Variants in ACOXL observed in about 807,000 individuals in gnomAD.
ACOXL encodes the protein acyl-CoA oxidase like, also known as acyl-coenzyme A oxidase-like protein.
A neutral mutation model predicts 71.9 loss-of-function variants in ACOXL; 70 were observed. The observed-to-expected ratio is 0.97, with a 90% CI of 0.80 to 1.19. The LOEUF (loss-of-function observed/expected upper bound fraction) is 1.19, where lower values mean the gene tolerates loss of function less well. Among genes scored for constraint, ACOXL ranks in the 50% most tolerant of loss-of-function variants. The pLI, the probability that ACOXL is intolerant of heterozygous loss-of-function variation, is 0.00. For synonymous variants in ACOXL, 253 were observed against 281.6 expected (o/e 0.90, Z 1.02); for missense variants, 703 against 736.3 (o/e 0.95, Z 0.52).
At chr2:111,088,458 A>T (rs1308615602) in intron 16 of ACOXL, among the ~76,000 whole-genome samples, 2 of 152,224 alleles carry the variant, frequency 1.3e-5, no homozygotes, top group African/African-American at 2.4e-5. Flanking sequence ...GCCATGAAAA[A>T]AAATGAGATA....
At chr2:110,950,895 C>T (rs956725482) in intron 12 of ACOXL, among the ~76,000 whole-genome samples, 15 of 151,122 alleles carry the variant, frequency 9.9e-5, no homozygotes, top group African/African-American at 3.2e-4. Context: ...CTGGAGTCCC[C>T]GAATCTGTGC....
At chr2:110,840,059 A>G (rs1969232) in intron 9 of ACOXL, among the ~76,000 whole-genome samples, 98,612 of 151,850 alleles carry the variant, frequency 0.65, 32,700 homozygotes, top group South Asian at 0.79. Context: ...GCGCAATCTC[A>G]GCTCACTGCA....
chr2:110,879,469 A>G (rs1010853080), intron 10 of ACOXL, among the ~76,000 whole-genome samples: 2 of 152,340 alleles, frequency 1.3e-5, no homozygotes, highest in East Asian at 1.9e-4. Context: ...CTGAGAACAT[A>G]TATTACCAAC....
In ACOXL at chr2:111,040,633, A is replaced by AG; in HGVS notation, c.1370-8580dup. Reference sequence around the variant, plus strand: ...AACACGGAAGAGACACAAGCTGGGCAGGGGGTGCAGGGTCCACGCGGCTCC... The same window carrying AG: ...AACACGGAAGAGACACAAGCTGGGCAGGGGGGTGCAGGGTCCACGCGGCTCC... On this transcript the variant is annotated intron_variant, in intron 15 of 17. Transcript: ENST00000439055. 2.0e-5 allele frequency among the ~76,000 whole-genome samples: 3 copies of AG among 152,336 alleles called. No individual in the cohort carries two copies. In the Middle Eastern group the frequency reaches 0.01, roughly 518 times the overall value.
chr2:110,939,453 ATAT>A (rs1558760093), intron 12 of ACOXL, among the ~76,000 whole-genome samples: 1 of 152,212 alleles, frequency 6.6e-6, no homozygotes, highest in African/African-American at 2.4e-5. Context: ...CTTGATATGG[ATAT>A]TACTTCAACT....
At chr2:110,815,015 T>A (rs1436175721) in intron 9 of ACOXL, among the ~76,000 whole-genome samples, 2 of 152,170 alleles carry the variant, frequency 1.3e-5, no homozygotes, top group East Asian at 3.8e-4. Context: ...ACTGGGTAAT[T>A]TGTAAAGAAA....
intron 13 of ACOXL, among the ~76,000 whole-genome samples, chr2:110,990,291 T>C (rs2063120495): frequency 6.6e-6 from 1 of 152,226 alleles, no homozygotes; most frequent in South Asian, 2.1e-4. Flanking sequence ...CTGGTTACTT[T>C]ATAATTTTGT....
At chr2:110,793,217 C>G (rs1475490033) in intron 3 of ACOXL, among the ~76,000 whole-genome samples, 1 of 152,222 alleles carries the variant, frequency 6.6e-6, no homozygotes, top group African/African-American at 2.4e-5. Flanking sequence ...GCAGCGTTGC[C>G]TCTTCCATCC....
chr2:110,863,308 A>C (rs1694175635), intron 10 of ACOXL, among the ~76,000 whole-genome samples: 1 of 152,226 alleles, frequency 6.6e-6, no homozygotes, highest in African/African-American at 2.4e-5. Flanking sequence ...CTCATGATAT[A>C]ATGTTGAGTT....
In ACOXL at chr2:110,910,156, C is replaced by T. The variant is rs1254425177; in HGVS notation, c.905+1251C>T. On this transcript the variant is annotated intron_variant, in intron 11 of 17. Transcript: ENST00000439055. ...TTTGCAGTTGACCCTCACCTCTCCA[C>T]CACAGCAGAGCCAGTTTTCTGATTT... Among the ~76,000 whole-genome samples the T allele has an allele frequency of 2.6e-5, 4 of 152,318 alleles. No individual in the cohort carries two copies. The East Asian group carries it at 7.7e-4, about 29-fold the overall frequency.
chr2:110,885,339 TTAATGA>T (rs1697148427), intron 10 of ACOXL, among the ~76,000 whole-genome samples: 2 of 152,204 alleles, frequency 1.3e-5, no homozygotes, highest in South Asian at 4.1e-4. Flanking sequence ...CAAAATATAC[TTAATGA>T]TTATGTAAGT....
intron 16 of ACOXL, among the ~76,000 whole-genome samples, chr2:111,087,982 A>C (rs567742730): frequency 6.6e-6 from 1 of 152,354 alleles, no homozygotes; most frequent in Non-Finnish European, 1.5e-5. Flanking sequence ...GAGTAGGCAA[A>C]GAACATGAAC....
At chr2:111,047,850 G>T (rs1463812840) in intron 15 of ACOXL, among the ~76,000 whole-genome samples, 1 of 152,246 alleles carries the variant, frequency 6.6e-6, no homozygotes, top group Admixed American at 6.5e-5. Flanking sequence ...TCCCAAGTAT[G>T]TCTTGACTGG....
chr2:110,820,031 T>C (rs535189828), intron 9 of ACOXL, among the ~76,000 whole-genome samples: 2 of 152,312 alleles, frequency 1.3e-5, no homozygotes, highest in African/African-American at 4.8e-5. Flanking sequence ...TAAAGTCCCT[T>C]GCACCGTGCC....
At chr2:110,848,248 T>G (rs1692157164) in intron 10 of ACOXL, among the ~76,000 whole-genome samples, 1 of 152,160 alleles carries the variant, frequency 6.6e-6, no homozygotes, top group Non-Finnish European at 1.5e-5. Context: ...TTTTTCCCCT[T>G]CCAGGGAATA....
chr2:110,836,870 T>C (rs1046906638), intron 9 of ACOXL, among the ~76,000 whole-genome samples: 13 of 152,212 alleles, frequency 8.5e-5, no homozygotes, highest in African/African-American at 3.1e-4. Flanking sequence ...GGGTATAAGC[T>C]TGGCAGCAGG....
intron 11 of ACOXL, among the ~76,000 whole-genome samples, chr2:110,924,390 G>A (rs573704818): frequency 1.3e-5 from 2 of 152,328 alleles, no homozygotes; most frequent in East Asian, 1.9e-4. Context: ...ATTTGGCAGC[G>A]TTTTACCCAC....
chr2:111,041,187 A>G lies in ACOXL; in HGVS notation c.1370-8031A>G, dbSNP rs182061480. On this transcript the variant is annotated intron_variant, in intron 15 of 17. Transcript: ENST00000439055. ...GCGCATGCATGACCTGGGGCCACAC[A>G]TGCAGATGCCGAGACAGGCGCGTGG... Among the ~76,000 whole-genome samples the G allele has an allele frequency of 1.0e-3, 159 of 152,272 alleles. 1 individual carries two copies. Among genetic ancestry groups the G allele is most frequent in the African/African-American group, 3.8e-3 (157 of 41,568 alleles).
intron 12 of ACOXL, 89 bp from the exon 13 acceptor site, chr2:110,987,019 T>C: frequency 2.8e-6 from 3 of 1,082,914 alleles, no homozygotes; most frequent in Non-Finnish European, 4.1e-6. Flanking sequence ...GTTTGCTAAG[T>C]GACAAATAGA....
Sources: gnomAD v4.1 joint callset for allele counts (sites outside exome capture counted in the v4.1 genomes callset) on GRCh38, gnomAD v4.1.1 for gene constraint, MANE v1.5 for transcripts, NCBI Gene and HGNC (gene_info 2026-07-23, HGNC 2026-07-21) for gene names.